The following SPRED1 variants were observed in gnomAD, a reference collection of about 807,000 sequenced individuals.
SPRED1 encodes sprouty related EVH1 domain containing 1, also known as sprouty-related, EVH1 domain-containing protein 1.
Under a neutral mutation model 52.3 loss-of-function variants are expected in SPRED1, and 18 were observed. The ratio of observed to expected loss-of-function variants is 0.34; its 90% CI spans 0.24 to 0.51. The LOEUF (loss-of-function observed/expected upper bound fraction) is 0.51. SPRED1 is among the 20% of genes least tolerant of loss of function. The pLI, the probability that SPRED1 is intolerant of heterozygous loss-of-function variation, is 0.97. For missense variants in SPRED1, 485 were observed against 551.0 expected, an observed-to-expected ratio of 0.88 and a Z score of 1.20; for synonymous variants, 155 against 179.7, an observed-to-expected ratio of 0.86 and a Z score of 1.10.
intron 5 of SPRED1, among the ~76,000 whole-genome samples, chr15:38,341,263 G>A (rs1896024537): frequency 6.6e-6 from 1 of 151,532 alleles, no homozygotes; most frequent in Non-Finnish European, 1.5e-5. Context: ...GATAACTTTT[G>A]GATTTTTTAC....
At chr15:38,289,342 A>T (rs1029487943) in intron 1 of SPRED1, among the ~76,000 whole-genome samples, 1 of 150,778 alleles carries the variant, frequency 6.6e-6, no homozygotes, top group Admixed American at 6.6e-5. Flanking sequence ...TCATGAACTT[A>T]GCCTGTTTTT....
At chr15:38,279,420 A>G (rs1157742680) in intron 1 of SPRED1, among the ~76,000 whole-genome samples, 1 of 152,194 alleles carries the variant, frequency 6.6e-6, no homozygotes, top group Non-Finnish European at 1.5e-5. Context: ...GTGGATGCAG[A>G]ATATTATTTC....
intron 5 of SPRED1, among the ~76,000 whole-genome samples, chr15:38,346,443 C>T (rs116170764): frequency 6.6e-6 from 1 of 152,046 alleles, no homozygotes; most frequent in Non-Finnish European, 1.5e-5. Context: ...ACAAATATGA[C>T]AGCATATTTC....
At chr15:38,346,980 G>T (rs772680304) in intron 5 of SPRED1, among the ~76,000 whole-genome samples, 33 of 152,062 alleles carry the variant, frequency 2.2e-4, no homozygotes, top group African/African-American at 2.7e-4. Context: ...GTATATTCTG[G>T]ATTCAGATCT....
At chr15:38,316,748 G>GTTTTTTTTTTTT in intron 2 of SPRED1, among the ~76,000 whole-genome samples, 1 of 41,924 alleles carries the variant, frequency 2.4e-5, no homozygotes, top group South Asian at 1.1e-3. Context: ...TCCATTATAT[G>GTTTTTTTTTTTT]TTTTTTTTTT....
At chr15:38,257,589 T>G (rs1894125068) in intron 1 of SPRED1, among the ~76,000 whole-genome samples, 1 of 152,224 alleles carries the variant, frequency 6.6e-6, no homozygotes, top group African/African-American at 2.4e-5. Flanking sequence ...TTGGATGTGC[T>G]TGGCCTCTGA....
At position 38,253,121 on chromosome 15, in the gene SPRED1, G is replaced by T; in HGVS notation, c.-65G>T. 6.7e-7 allele frequency: 1 copy of T among 1,482,516 alleles called. No individual in the cohort carries two copies. The highest frequency in any genetic ancestry group is 9.2e-7 in the Non-Finnish European group (1 of 1,084,440). The allele number at this position is 1,482,516 out of a possible 1,614,324, so 91.8% of individuals were successfully genotyped here. On this transcript the variant is annotated 5_prime_UTR_variant, in exon 1 of 7. Transcript: ENST00000299084. Reference sequence around the variant, plus strand: ...CCGCCGCTGCCTCCTGCCCCTCGGTGCTGCTGTTGCTCCCCCGCCTGCTGT... The same window carrying T: ...CCGCCGCTGCCTCCTGCCCCTCGGTTCTGCTGTTGCTCCCCCGCCTGCTGT...
At chr15:38,280,095 A>T (rs767744514) in intron 1 of SPRED1, among the ~76,000 whole-genome samples, 18 of 151,960 alleles carry the variant, frequency 1.2e-4, no homozygotes, top group South Asian at 2.1e-4. Context: ...TTTTCCTATA[A>T]TTTTGCCCCT....
chr15:38,346,919 C>T (rs944110075), intron 5 of SPRED1, among the ~76,000 whole-genome samples: 3 of 151,748 alleles, frequency 2.0e-5, no homozygotes, highest in Admixed American at 6.6e-5. Context: ...TAACTGCATG[C>T]TTTCATATGG....
intron 2 of SPRED1, among the ~76,000 whole-genome samples, chr15:38,300,751 G>C (rs1055869167): frequency 2.0e-5 from 3 of 152,116 alleles, no homozygotes. Flanking sequence ...AGTGAAATAT[G>C]ATAAATATGT....
intron 4 of SPRED1, among the ~76,000 whole-genome samples, chr15:38,338,943 C>T (rs934132358): frequency 6.6e-6 from 1 of 151,966 alleles, no homozygotes. Flanking sequence ...AGTGATTACT[C>T]TGAATTATTT....
intron 2 of SPRED1, among the ~76,000 whole-genome samples, chr15:38,304,957 C>T (rs1389260449): frequency 3.3e-5 from 5 of 152,162 alleles, no homozygotes; most frequent in Admixed American, 6.6e-5. Flanking sequence ...TTTCAGTAGA[C>T]AATATGTTGC....
chr15:38,294,759 TGTACTG>T (rs768423611), intron 1 of SPRED1, among the ~76,000 whole-genome samples: 23 of 152,236 alleles, frequency 1.5e-4, no homozygotes, highest in Non-Finnish European at 2.5e-4. Flanking sequence ...GAGCCAGAGC[TGTACTG>T]CTAGTCATTT....
At chr15:38,266,924 A>C (rs1266584600) in intron 1 of SPRED1, among the ~76,000 whole-genome samples, 3 of 152,216 alleles carry the variant, frequency 2.0e-5, no homozygotes, top group Non-Finnish European at 2.9e-5. Context: ...CTAGCATATA[A>C]CACATAAGAA....
At chr15:38,275,973 A>G (rs1894543463) in intron 1 of SPRED1, among the ~76,000 whole-genome samples, 1 of 152,148 alleles carries the variant, frequency 6.6e-6, no homozygotes, top group Non-Finnish European at 1.5e-5. Context: ...CTTTCTTAAC[A>G]TTTGCTTTTC....
chr15:38,343,004 A>G (rs1896059177), intron 5 of SPRED1, among the ~76,000 whole-genome samples: 1 of 152,162 alleles, frequency 6.6e-6, no homozygotes. Flanking sequence ...GGGAATCACT[A>G]CATATTGAGA....
intron 4 of SPRED1, among the ~76,000 whole-genome samples, chr15:38,330,119 G>GAC (rs1248609206): frequency 1.3e-5 from 2 of 152,104 alleles, no homozygotes; most frequent in African/African-American, 4.8e-5. Flanking sequence ...TAGATCTACA[G>GAC]ACAGTAAACA....
chr15:38,327,987 A>G (rs1189156154), intron 4 of SPRED1, among the ~76,000 whole-genome samples: 1 of 152,182 alleles, frequency 6.6e-6, no homozygotes, highest in Admixed American at 6.6e-5. Context: ...TGATGTTCTA[A>G]AGGTTTAGAA....
chr15:38,267,534 A>G (rs59975952), intron 1 of SPRED1, among the ~76,000 whole-genome samples: 4,789 of 152,222 alleles, frequency 0.031, 114 homozygotes, highest in Middle Eastern at 0.051. Context: ...TTGTTCTTAA[A>G]TTTCTTAGAT....
Sources: gnomAD v4.1 joint callset for allele counts (sites outside exome capture counted in the v4.1 genomes callset) on GRCh38, gnomAD v4.1.1 for gene constraint, MANE v1.5 for transcripts, NCBI Gene and HGNC (gene_info 2026-07-23, HGNC 2026-07-21) for gene names.